Variants in SI observed in about 807,000 individuals in gnomAD.
The protein encoded by SI is sucrase-isomaltase.
SI carries 235 observed loss-of-function variants against 253.3 expected under a neutral mutation model. That is an observed-to-expected ratio of 0.93 (90% confidence interval 0.83 to 1.03). The LOEUF (loss-of-function observed/expected upper bound fraction) is 1.03. SI is among the 50% of genes least tolerant of loss of function. The pLI, the probability that SI is intolerant of heterozygous loss-of-function variation, is 0.00. For missense variants in SI, 2,442 were observed against 2,211.1 expected (o/e 1.10, Z -2.09); for synonymous variants, 819 against 712.0 (o/e 1.15, Z -2.39).
chr3:164,994,536 C>A, intron 40 of SI, 131 bp from the exon 41 acceptor site: 3 of 877,950 alleles, frequency 3.4e-6, no homozygotes, highest in South Asian at 1.5e-5. Flanking sequence ...GTACTTTCTT[C>A]CCAAAATCTT....
intron 34 of SI, among the ~76,000 whole-genome samples, chr3:165,009,693 T>A (rs1347577971): frequency 6.6e-6 from 1 of 152,166 alleles, no homozygotes; most frequent in Non-Finnish European, 1.5e-5. Context: ...GGAAGCTTTT[T>A]TTCTCTGTTA....
intron 38 of SI, among the ~76,000 whole-genome samples, chr3:164,997,193 T>G (rs1324057868): frequency 6.6e-6 from 1 of 151,750 alleles, no homozygotes; most frequent in Non-Finnish European, 1.5e-5. Context: ...ACCATTCTTA[T>G]TAAACAAATC....
At position 165,046,962 on chromosome 3, in the gene SI, G is replaced by A. The variant is rs984986056; in HGVS notation, c.1766C>T (p.Ser589Leu). 6.2e-7 allele frequency: 1 copy of A among 1,611,964 alleles called. No individual in the cohort carries two copies. Among genetic ancestry groups the A allele is most frequent in the African/African-American group, 1.3e-5 (1 of 74,990 alleles). The change falls in exon 16 of 48, where the codon TCA (serine) becomes TTA (leucine). Residue 589 changes from serine (S) to leucine (L), a missense_variant. By Grantham distance (145) the Ser-to-Leu change is moderately radical (BLOSUM62 -2). Coordinates refer to ENST00000264382, the MANE Select transcript of SI (RefSeq NM_001041.4). ...ATGTCTTCCAGATCCAGCAAATGTT[G>A]AGCGGGTAAGAATGAAGCTTCTCTT... is the stretch of plus-strand genomic sequence containing the variant. The part of the protein sequence containing the change: ...PNKRSFILTR[S>L]TFAGSGRHAA...
intron 45 of SI, among the ~76,000 whole-genome samples, chr3:164,986,187 A>C (rs6785316): frequency 0.12 from 18,246 of 152,106 alleles, 1,175 homozygotes; most frequent in South Asian, 0.16. Context: ...AGGTCCCAGA[A>C]GCAACACTGG....
At chr3:165,035,477 G>C (rs939157959) in intron 22 of SI, among the ~76,000 whole-genome samples, 1 of 151,486 alleles carries the variant, frequency 6.6e-6, no homozygotes, top group Non-Finnish European at 1.5e-5. Flanking sequence ...TAAGTCTTAG[G>C]AGAGAATTAT....
intron 27 of SI, among the ~76,000 whole-genome samples, chr3:165,020,310 C>A (rs765509090): frequency 8.6e-5 from 13 of 151,348 alleles, no homozygotes; most frequent in Non-Finnish European, 1.6e-4. Flanking sequence ...AAATGTGTTA[C>A]AAGAAACATA....
chr3:165,015,452 C>A (rs373398217), intron 32 of SI, among the ~76,000 whole-genome samples: 2 of 152,042 alleles, frequency 1.3e-5, no homozygotes, highest in African/African-American at 4.8e-5. Context: ...GCTATCATTT[C>A]AAGAAAGATT....
intron 2 of SI, among the ~76,000 whole-genome samples, chr3:165,075,447 A>G (rs1576928601): frequency 6.6e-6 from 1 of 151,976 alleles, no homozygotes; most frequent in African/African-American, 2.4e-5. Flanking sequence ...ACTTTCCTCT[A>G]CCTGCCTTTC....
intron 2 of SI, among the ~76,000 whole-genome samples, chr3:165,075,591 C>T (rs909435240): frequency 1.3e-5 from 2 of 151,936 alleles, no homozygotes; most frequent in African/African-American, 2.4e-5. Flanking sequence ...AGATGATGCT[C>T]ACACCAGTAG....
At chr3:165,022,570 C>CACACAA (rs34401414) in intron 26 of SI, among the ~76,000 whole-genome samples, 1 of 145,326 alleles carries the variant, frequency 6.9e-6, no homozygotes, top group Non-Finnish European at 1.5e-5. Flanking sequence ...CACACACACA[C>CACACAA]AATCTTCTAT....
chr3:165,031,794 C>CT (rs913456645), intron 24 of SI, among the ~76,000 whole-genome samples: 3 of 150,848 alleles, frequency 2.0e-5, no homozygotes, highest in Non-Finnish European at 4.5e-5. Flanking sequence ...ACTACAGTCT[C>CT]TTTTTTAATA....
chr3:165,067,266 A>C, intron 6 of SI, 74 bp downstream of exon 6: 2 of 1,128,216 alleles, frequency 1.8e-6, no homozygotes, highest in Non-Finnish European at 2.5e-6. Context: ...TCTACTGAAA[A>C]TGTCTTGAAA....
At position 165,044,082 on chromosome 3, in the gene SI, A is replaced by G. The variant is rs1199292861; in HGVS notation, c.1888-907T>C. 2.0e-5 allele frequency among the ~76,000 whole-genome samples: 3 copies of G among 152,026 alleles called. No homozygotes were observed. In the East Asian group the frequency reaches 5.8e-4, roughly 29 times the overall value. On this transcript the variant is annotated intron_variant, in intron 16 of 47. Transcript: ENST00000264382. ...GGTTGCAGTCAAAACTGTTTCCTGAACAAAATTATATAAAATTACCTTCAA... is the reference window on the plus strand; with the variant it reads ...GGTTGCAGTCAAAACTGTTTCCTGAGCAAAATTATATAAAATTACCTTCAA...
intron 23 of SI, among the ~76,000 whole-genome samples, chr3:165,032,934 T>C (rs1472628560): frequency 6.6e-6 from 1 of 151,446 alleles, no homozygotes; most frequent in Non-Finnish European, 1.5e-5. Context: ...TATATACTCA[T>C]TCTAGTCCTA....
At chr3:165,060,553 G>A (rs986951654) in intron 9 of SI, among the ~76,000 whole-genome samples, 1 of 151,672 alleles carries the variant, frequency 6.6e-6, no homozygotes, top group Non-Finnish European at 1.5e-5. Flanking sequence ...TATTGCATAG[G>A]CTCTTTCTTA....
At chr3:165,024,176 C>T (rs910206691) in intron 25 of SI, among the ~76,000 whole-genome samples, 2 of 151,346 alleles carry the variant, frequency 1.3e-5, no homozygotes, top group Non-Finnish European at 3.0e-5. Context: ...CTCTAAAGGG[C>T]AAGTGCTAGA....
In SI at chr3:165,069,092, G is replaced by T; in HGVS notation, c.359C>A (p.Thr120Lys). The T allele has an allele frequency of 6.2e-7, 1 of 1,605,946 alleles. No individual in the cohort carries two copies. Among genetic ancestry groups the T allele is most frequent in the Non-Finnish European group, 8.5e-7 (1 of 1,172,810 alleles). The change falls in exon 4 of 48, where the codon ACA becomes AAA. Residue 120 changes from threonine to lysine, a missense_variant. By Grantham distance (78) the Thr-to-Lys change is moderately conservative. Coordinates refer to ENST00000264382, the MANE Select transcript of SI (RefSeq NM_001041.4). ...DNHGYNVQDM[T>K]TTSIGVEAKL... is the part of the protein sequence containing the mutation. Reference sequence around the variant, plus strand: ...GGACTTCTTACCAATACTTGTTGTTGTCATGTCTTGAACGTTATAACCATG... The same window carrying T: ...GGACTTCTTACCAATACTTGTTGTTTTCATGTCTTGAACGTTATAACCATG...
intron 47 of SI, among the ~76,000 whole-genome samples, chr3:164,980,327 A>AT (rs201235705): frequency 6.6e-6 from 1 of 151,938 alleles, no homozygotes; most frequent in Non-Finnish European, 1.5e-5. Context: ...AACTTAAACT[A>AT]TTTTTTTAAC....
intron 18 of SI, among the ~76,000 whole-genome samples, chr3:165,040,584 C>T (rs1712766637): frequency 6.6e-6 from 1 of 151,888 alleles, no homozygotes; most frequent in South Asian, 2.1e-4. Context: ...GCACAATTTC[C>T]CTTTTTTGTA....
Sources: gnomAD v4.1 joint callset for allele counts (sites outside exome capture counted in the v4.1 genomes callset) on GRCh38, gnomAD v4.1.1 for gene constraint, MANE v1.5 for transcripts, NCBI Gene and HGNC (gene_info 2026-07-23, HGNC 2026-07-21) for gene names.